SLC2A9: variants seen among roughly 807,000 people sequenced by gnomAD.
SLC2A9 encodes solute carrier family 2, facilitated glucose transporter member 9.
SLC2A9 carries 39 observed loss-of-function variants against 50.6 expected under a neutral mutation model. That is an observed-to-expected ratio of 0.77 (90% CI 0.60 to 1.01). SLC2A9 has a LOEUF of 1.01. SLC2A9 is among the 50% of genes least tolerant of loss of function. SLC2A9 has a pLI of 0.00. For missense variants in SLC2A9, 686 were observed against 677.6 expected (o/e 1.01, Z -0.14); for synonymous variants, 324 against 276.9 (o/e 1.17, Z -1.69).
intron 2 of SLC2A9, among the ~76,000 whole-genome samples, chr4:10,011,839 T>A (rs3756236): frequency 0.44 from 66,991 of 152,058 alleles, 16,386 homozygotes; most frequent in South Asian, 0.59. Context: ...CCTATTTAGA[T>A]GCTATGCAGC....
At chr4:9,805,707 T>C (rs1359501237) in intron 3 of SLC2A9, among the ~76,000 whole-genome samples, 1 of 91,412 alleles carries the variant, frequency 1.1e-5, no homozygotes, top group Non-Finnish European at 2.4e-5. Flanking sequence ...TTTTTTTTTG[T>C]CTCAAAAAAA....
chr4:9,915,932 C>T (rs1742773658), intron 7 of SLC2A9, among the ~76,000 whole-genome samples: 1 of 152,134 alleles, frequency 6.6e-6, no homozygotes, highest in Non-Finnish European at 1.5e-5. Flanking sequence ...ATTTGGGCTC[C>T]AGAACTCCTA....
At chr4:9,892,800 A>G (rs770270493) in intron 8 of SLC2A9, among the ~76,000 whole-genome samples, 13 of 152,188 alleles carry the variant, frequency 8.5e-5, no homozygotes, top group Non-Finnish European at 1.8e-4. Context: ...GGCCTTGAAC[A>G]AGTTAATTAA....
chr4:9,872,373 C>A, intron 10 of SLC2A9, among the ~76,000 whole-genome samples: 1 of 152,158 alleles, frequency 6.6e-6, no homozygotes, highest in East Asian at 1.9e-4. Flanking sequence ...AAGGTCAATT[C>A]ATCAAAAAGC....
At chr4:9,973,709 T>G (rs2109026765) in intron 5 of SLC2A9, among the ~76,000 whole-genome samples, 1 of 81,638 alleles carries the variant, frequency 1.2e-5, no homozygotes, top group South Asian at 5.2e-4. Flanking sequence ...TGGGGCCTGT[T>G]GTGGGGTGGG....
chr4:9,833,182 T>G (rs1282458159), intron 11 of SLC2A9, among the ~76,000 whole-genome samples: 2 of 152,348 alleles, frequency 1.3e-5, no homozygotes, highest in East Asian at 3.9e-4. Context: ...ATGTTCTGAC[T>G]GCAGCCACGT....
At chr4:9,967,790 A>T (rs892519257) in intron 5 of SLC2A9, among the ~76,000 whole-genome samples, 1 of 150,966 alleles carries the variant, frequency 6.6e-6, no homozygotes, top group Admixed American at 6.6e-5. Context: ...CCTAAAATAA[A>T]GTGACTGGTT....
At chr4:9,839,067 A>G (rs1303203790) in intron 10 of SLC2A9, among the ~76,000 whole-genome samples, 1 of 152,190 alleles carries the variant, frequency 6.6e-6, no homozygotes, top group Admixed American at 6.5e-5. Context: ...TAAACAGACA[A>G]CCTATAGAAT....
intron 4 of SLC2A9, among the ~76,000 whole-genome samples, chr4:9,982,645 C>T (rs1285455828): frequency 6.6e-6 from 1 of 152,170 alleles, no homozygotes; most frequent in Admixed American, 6.5e-5. Context: ...CAGTTGCCTC[C>T]ACTAGGAAAG....
chr4:9,777,297 CTT>C (rs71649549), downstream of SLC2A9, among the ~76,000 whole-genome samples: 844 of 141,482 alleles, frequency 6.0e-3, 8 homozygotes, highest in African/African-American at 0.015. Flanking sequence ...GTCTCTGTTT[CTT>C]TTTTTTTTTT....
At chr4:9,789,051 A>G (rs1719577854) in intron 3 of SLC2A9, among the ~76,000 whole-genome samples, 1 of 152,226 alleles carries the variant, frequency 6.6e-6, no homozygotes, top group South Asian at 2.1e-4. Context: ...ATATGTGCAT[A>G]TACACATATC....
At chr4:9,908,904 G>C (rs781048119) in intron 7 of SLC2A9, among the ~76,000 whole-genome samples, 11 of 152,192 alleles carry the variant, frequency 7.2e-5, no homozygotes, top group Non-Finnish European at 1.6e-4. Flanking sequence ...ATTTTTGTTT[G>C]TCCTTCCTTC....
intron 1 of SLC2A9, among the ~76,000 whole-genome samples, chr4:10,031,531 T>C (rs187340958): frequency 3.9e-4 from 59 of 152,354 alleles, no homozygotes; most frequent in African/African-American, 1.4e-3. Flanking sequence ...GACAGCTCTG[T>C]AGTCAGAAGA....
chr4:9,950,892 CAAAAAAAAAAA>C lies in SLC2A9; in HGVS notation c.682-8858_682-8848del, dbSNP rs764863059. Among the ~76,000 whole-genome samples, 2 of 11,554 alleles carry C rather than the reference CAAAAAAAAAAA, an allele frequency of 1.7e-4. 1 individual carries two copies. Among genetic ancestry groups the C allele is most frequent in the South Asian group, 0.01 (2 of 194 alleles). The allele number at this position is 11,554 out of a possible 152,430, so 7.6% of individuals were successfully genotyped here. A position where few individuals can be genotyped will look rare whatever the true frequency, so the allele number is the denominator to read the frequency against. On this transcript the variant is annotated intron_variant, in intron 5 of 11. Coordinates refer to ENST00000264784, the MANE Select transcript of SLC2A9 (RefSeq NM_020041.3). Reference sequence around the variant, plus strand: ...TGGGCGACAGAGCGAGACTCCGTCTCAAAAAAAAAAAAAAAAAAAAAAAAAAAGAAAACAGT... The same window carrying C: ...TGGGCGACAGAGCGAGACTCCGTCTCAAAAAAAAAAAAAAAAGAAAACAGT...
chr4:10,010,240 T>C (rs1761535168), intron 2 of SLC2A9, among the ~76,000 whole-genome samples: 1 of 152,238 alleles, frequency 6.6e-6, no homozygotes, highest in Non-Finnish European at 1.5e-5. Flanking sequence ...TGAGCTTCCC[T>C]GGTAGACAAC....
chr4:9,782,192 C>G, intron 3 of SLC2A9: 4 of 1,608,524 alleles, frequency 2.5e-6, no homozygotes, highest in Non-Finnish European at 3.4e-6. Flanking sequence ...CATCTGGACC[C>G]TGCTGGGCAA....
intron 5 of SLC2A9, among the ~76,000 whole-genome samples, chr4:9,977,347 T>C (rs1487673980): frequency 6.6e-6 from 1 of 152,206 alleles, no homozygotes; most frequent in Non-Finnish European, 1.5e-5. Context: ...GGATTTGTAA[T>C]GTCTCTTGAA....
At chr4:9,972,964 C>G (rs1024330324) in intron 5 of SLC2A9, among the ~76,000 whole-genome samples, 1 of 151,968 alleles carries the variant, frequency 6.6e-6, no homozygotes, top group Non-Finnish European at 1.5e-5. Context: ...CAGAACAGAA[C>G]AAAATTGAGA....
intron 5 of SLC2A9, among the ~76,000 whole-genome samples, chr4:9,965,980 C>G (rs1752988999): frequency 6.6e-6 from 1 of 152,154 alleles, no homozygotes; most frequent in African/African-American, 2.4e-5. Flanking sequence ...CTTTGATTAT[C>G]AACTAACGAA....
Sources: allele counts gnomAD v4.1 joint callset (sites outside exome capture counted in the v4.1 genomes callset), GRCh38; gene constraint gnomAD v4.1.1; transcripts MANE v1.5; gene names NCBI Gene and HGNC (gene_info 2026-07-23, HGNC 2026-07-21).